Variants in RGS14 observed in about 807,000 individuals in gnomAD.
RGS14 encodes regulator of G protein signaling 14, also known as regulator of G-protein signaling 14.
A neutral mutation model predicts 63.8 loss-of-function variants in RGS14; 33 were observed. The observed-to-expected ratio is 0.52, with a 90% CI of 0.39 to 0.69. The LOEUF is 0.69. Among genes scored for constraint, RGS14 ranks in the 30% least tolerant of loss-of-function variants. The pLI, the probability that RGS14 is intolerant of heterozygous loss-of-function variation, is 0.00. For missense variants in RGS14, 739 were observed against 742.9 expected (o/e 0.99, Z 0.06); for synonymous variants, 296 against 320.9 (o/e 0.92, Z 0.83).
rs750673831 is a variant in RGS14, at chr5:177,371,855, G to A, written c.1499-18G>A. ...GCAGGTCTGCTGGGGGGACCCTCATGCTGTGGCTTGCCTCCAGGCCTGGTG... is the reference window on the plus strand; with the variant it reads ...GCAGGTCTGCTGGGGGGACCCTCATACTGTGGCTTGCCTCCAGGCCTGGTG... On this transcript the variant is annotated intron_variant, in intron 14 of 14. Transcript: ENST00000408923. This position sits in a 1 kb window ranked among gnomAD's most constrained non-coding sequence, Gnocchi z 6.1. The A allele has an allele frequency of 1.2e-6, 2 of 1,605,648 alleles. No individual in the cohort carries two copies. The highest frequency in any genetic ancestry group is 1.1e-5 in the South Asian group (1 of 90,462).
rs745528423 is a variant in RGS14 at position 177,372,095 on chromosome 5, G to C, written c.*20G>C. The stretch of plus-strand genomic sequence containing the variant: ...CTCTGACAGCTACCCAACAGTCCAG[G>C]ACAGCTGCATGGCACCCGGCGGGCC... On this transcript the variant is annotated 3_prime_UTR_variant, in exon 15 of 15. Transcript: ENST00000408923. 1.8e-5 allele frequency: 29 copies of C among 1,607,068 alleles called. No individual in the cohort carries two copies. Among genetic ancestry groups the C allele is most frequent in the Non-Finnish European group, 2.3e-5 (27 of 1,174,886 alleles).
intron 10 of RGS14, 30 bp from the exon 11 acceptor site, chr5:177,370,871 CTCCG>C: frequency 6.4e-7 from 1 of 1,568,740 alleles, no homozygotes; most frequent in Non-Finnish European, 8.6e-7. Context: ...GGGGCCGGCC[CTCCG>C]GCCCTCTGCT....
In RGS14 at chr5:177,372,217, G is replaced by A. The variant is rs1762291485; in HGVS notation, c.*142G>A. Reference sequence around the variant, plus strand: ...CAGGCCCGCAGGAAGAGCCGGTAGGGGTGGAAAGGGGACTCAGATGAGACA... The same window carrying A: ...CAGGCCCGCAGGAAGAGCCGGTAGGAGTGGAAAGGGGACTCAGATGAGACA... On this transcript the variant is annotated 3_prime_UTR_variant, in exon 15 of 15. Coordinates refer to ENST00000408923, the MANE Select transcript of RGS14 (RefSeq NM_006480.5). The A allele has an allele frequency of 1.3e-6, 1 of 782,906 alleles. No homozygotes were observed. Among genetic ancestry groups the A allele is most frequent in the Non-Finnish European group, 2.1e-6 (1 of 487,004 alleles). 48.5% of individuals were successfully genotyped at this position (782,906 alleles called of 1,614,324 possible). A position where few individuals can be genotyped will look rare whatever the true frequency, so the allele number is the denominator to read the frequency against.
At position 177,367,471 on chromosome 5, in the gene RGS14, C is replaced by G. The variant is rs572106520; in HGVS notation, c.541C>G (p.Arg181Gly). The G allele has an allele frequency of 6.2e-7, 1 of 1,612,708 alleles. No homozygotes were observed. The highest frequency in any genetic ancestry group is 1.3e-5 in the African/African-American group (1 of 75,026). Residue 181 changes from arginine to glycine, a missense_variant, in exon 6 of 15, where the codon CGC (arginine) becomes GGC (glycine). By Grantham distance (125) the Arg-to-Gly change is moderately radical. Coordinates refer to ENST00000408923, the MANE Select transcript of RGS14 (RefSeq NM_006480.5). ...GCGCTTCGTCAAGTCCCCGCTGTACCGCGAGTGCCTGCTAGCCGAAGCCGA... is the reference window on the plus strand; with the variant it reads ...GCGCTTCGTCAAGTCCCCGCTGTACGGCGAGTGCCTGCTAGCCGAAGCCGA... Reference protein sequence around the residue: ...YARFVKSPLYRECLLAEAEGR... With the variant: ...YARFVKSPLYGECLLAEAEGR...
At position 177,371,009 on chromosome 5, in the gene RGS14, C is replaced by T; in HGVS notation, c.1232C>T (p.Pro411Leu). 6.3e-7 allele frequency: 1 copy of T among 1,595,010 alleles called. No homozygotes were observed. Among genetic ancestry groups the T allele is most frequent in the Non-Finnish European group, 8.5e-7 (1 of 1,176,432 alleles). The change falls in exon 11 of 15, where the codon CCG (proline) becomes CTG (leucine). Residue 411 changes from proline (P) to leucine (L), a missense_variant. Pro to Leu is a moderately conservative substitution (Grantham distance 98). Transcript: ENST00000408923. The surrounding 1 kb of genome is among the most constrained non-coding windows in gnomAD (Gnocchi z 6.1). Reference sequence around the variant, plus strand: ...ATTCTGGAGAAGCACGGCTTGAGCCCGCTAGAGGTGGTGCTGCACCGGGTG... The same window carrying T: ...ATTCTGGAGAAGCACGGCTTGAGCCTGCTAGAGGTGGTGCTGCACCGGGTG... ...QPILEKHGLS[P>L]LEVVLHRPGE... is the part of the protein sequence containing the mutation.
In RGS14 at chr5:177,370,680, C is replaced by G. The variant is rs999332153; in HGVS notation, c.1127+16C>G. On this transcript the variant is annotated intron_variant, in intron 10 of 14. Coordinates refer to ENST00000408923, the MANE Select transcript of RGS14 (RefSeq NM_006480.5). ...TCACCTTCGAGTGAGTGTCCTGCCC[C>G]CAAGTCTGGGTCCCAGGTCCTGACG... The G allele has an allele frequency of 5.6e-6, 9 of 1,613,466 alleles. No homozygotes were observed. The highest frequency in any genetic ancestry group is 1.3e-5 in the African/African-American group (1 of 75,014).
rs548506544 is a variant in RGS14, at chr5:177,370,502, A to G, written c.1054-89A>G. On this transcript the variant is annotated intron_variant, in intron 9 of 14. Transcript: ENST00000408923. ...TCCTCTAGGAAGCCCAGTGGTGGCCATGGGAGGGCGTGAAGTTGTTCTCAG... is the reference window on the plus strand; with the variant it reads ...TCCTCTAGGAAGCCCAGTGGTGGCCGTGGGAGGGCGTGAAGTTGTTCTCAG... 4.4e-4 allele frequency: 507 copies of G among 1,161,400 alleles called. 1 individual carries two copies. In the African/African-American group the frequency reaches 7.0e-3, roughly 16 times the overall value. 71.9% of individuals were successfully genotyped at this position (1,161,400 alleles called of 1,614,324 possible).
chr5:177,362,635 G>A (rs1258447288), intron 1 of RGS14, among the ~76,000 whole-genome samples: 1 of 152,172 alleles, frequency 6.6e-6, no homozygotes, highest in Non-Finnish European at 1.5e-5. Flanking sequence ...AGGGGTGTGG[G>A]GAAAATAGAA....
At position 177,366,707 on chromosome 5, in the gene RGS14, G is replaced by A. The variant is rs1762101042; in HGVS notation, c.247-1G>A. On this transcript the variant is annotated splice_acceptor_variant, in intron 3 of 14. Coordinates refer to ENST00000408923, the MANE Select transcript of RGS14 (RefSeq NM_006480.5). LOFTEE classifies it high-confidence loss of function. ...CTGCCTCCCCCTCCTTCCCCTCCCA[G>A]GAGTTCCTGAAGAAGGAGTTCAGCG... is the stretch of plus-strand genomic sequence containing the variant. 6.2e-7 allele frequency: 1 copy of A among 1,613,922 alleles called. No individual in the cohort carries two copies. The highest frequency in any genetic ancestry group is 8.5e-7 in the Non-Finnish European group (1 of 1,179,932).
In RGS14 at chr5:177,367,731, C is replaced by T; in HGVS notation, c.645C>T (p.Pro215=). Residue 215 remains proline (P), a synonymous_variant, in exon 7 of 15, where the codon CCC becomes CCT. Coordinates refer to ENST00000408923, the MANE Select transcript of RGS14 (RefSeq NM_006480.5). The stretch of plus-strand genomic sequence containing the variant: ...ACCCACAGAAGCCGAAGCTGAAGCC[C>T]GGGAAGTCGCTGCCGCTGGGTGTGG... ...DATRKKPKLK[P]GKSLPLGVEE... 2.5e-6 allele frequency: 4 copies of T among 1,613,082 alleles called. No individual in the cohort carries two copies. The South Asian group carries it at 3.3e-5, about 13-fold the overall frequency.
rs914825066 is a variant in RGS14 at position 177,371,644 on chromosome 5, C to T, written c.1498+55C>T. The T allele has an allele frequency of 5.8e-6, 9 of 1,539,078 alleles. No homozygotes were observed. The highest frequency in any genetic ancestry group is 3.4e-5 in the Admixed American group (2 of 59,442). ...AGACTAGGGCAGTGGGGTTGGGGAC[C>T]ATTCAGGGTGGCATCAGAGAGCCTT... On this transcript the variant is annotated intron_variant, in intron 14 of 14. Transcript: ENST00000408923. This position sits in a 1 kb window ranked among gnomAD's most constrained non-coding sequence, Gnocchi z 6.1.
At position 177,364,096 on chromosome 5, in the gene RGS14, G is replaced by A. The variant is rs147625873; in HGVS notation, c.46-1867G>A. 4.7e-4 allele frequency among the ~76,000 whole-genome samples: 72 copies of A among 152,318 alleles called. No homozygotes were observed. Among genetic ancestry groups the A allele is most frequent in the African/African-American group, 1.6e-3 (65 of 41,556 alleles). ...TCCCACATATCTGCAGACCGGATCT[G>A]GCCCACAGATGGCCGCCCTGTGACC... On this transcript the variant is annotated intron_variant, in intron 1 of 14. Coordinates refer to ENST00000408923, the MANE Select transcript of RGS14 (RefSeq NM_006480.5). This position sits in a 1 kb window ranked among gnomAD's most constrained non-coding sequence, Gnocchi z 4.6.
chr5:177,362,665 G>A (rs1426483190), intron 1 of RGS14, among the ~76,000 whole-genome samples: 3 of 152,134 alleles, frequency 2.0e-5, no homozygotes, highest in Non-Finnish European at 4.4e-5. Context: ...GAAGTGTAGG[G>A]TGGAGGTGAG....
chr5:177,358,197 C>A lies in RGS14; in HGVS notation c.45+128C>A. On this transcript the variant is annotated intron_variant, in intron 1 of 14. Transcript: ENST00000408923. The surrounding 1 kb of genome is among the most constrained non-coding windows in gnomAD (Gnocchi z 4.8). ...GCCAGCAGGCGAGAGAAGTTGGGTA[C>A]AGACAGCAGCAGGTGGTAGGACCTG... is the stretch of plus-strand genomic sequence containing the variant. 1 of 709,334 alleles carries A rather than the reference C, an allele frequency of 1.4e-6. No individual in the cohort carries two copies. Among genetic ancestry groups the A allele is most frequent in the Non-Finnish European group, 2.0e-6 (1 of 500,068 alleles). The allele number at this position is 709,334 out of a possible 1,614,324, so 43.9% of individuals were successfully genotyped here.
intron 1 of RGS14, among the ~76,000 whole-genome samples, chr5:177,361,123 C>T (rs1317868855): frequency 6.6e-6 from 1 of 152,178 alleles, no homozygotes; most frequent in Non-Finnish European, 1.5e-5. Context: ...CAAGGCAAAG[C>T]CCATGCAGCT....
At chr5:177,362,197 C>A (rs773378153) in intron 1 of RGS14, among the ~76,000 whole-genome samples, 7 of 152,206 alleles carry the variant, frequency 4.6e-5, no homozygotes, top group Non-Finnish European at 7.3e-5. Flanking sequence ...ATTCCACCCC[C>A]ACTCCCACCC....
intron 3 of RGS14, 167 bp downstream of exon 3, chr5:177,366,522 C>A: frequency 1.3e-6 from 1 of 798,670 alleles, no homozygotes; most frequent in Non-Finnish European, 2.0e-6. Flanking sequence ...TTCTCCCTGT[C>A]CTTGTCTCTG....
At chr5:177,367,373 C>A (rs376516062) in intron 5 of RGS14, 41 bp from the exon 6 acceptor site, 4 of 1,554,272 alleles carry the variant, frequency 2.6e-6, no homozygotes, top group East Asian at 2.4e-5. Context: ...CCAGCGCCCC[C>A]ACCCCAGCCC....
In RGS14 at chr5:177,364,810, G is replaced by C. The variant is rs2127329330; in HGVS notation, c.46-1153G>C. On this transcript the variant is annotated intron_variant, in intron 1 of 14. Coordinates refer to ENST00000408923, the MANE Select transcript of RGS14 (RefSeq NM_006480.5). This position sits in a 1 kb window ranked among gnomAD's most constrained non-coding sequence, Gnocchi z 4.6. The stretch of plus-strand genomic sequence containing the variant: ...GATTGGGATTCCCAGAGAAACCAGA[G>C]TTGTGCACTGGGGGCAAGGATGGAG... 6.6e-6 allele frequency among the ~76,000 whole-genome samples: 1 copy of C among 152,328 alleles called. No homozygotes were observed. The highest frequency in any genetic ancestry group is 1.9e-4 in the East Asian group (1 of 5,190).
Sources: gnomAD v4.1 joint callset for allele counts (sites outside exome capture counted in the v4.1 genomes callset) on GRCh38, gnomAD v4.1.1 for gene constraint, Gnocchi (gnomAD v3.1) non-coding constraint, MANE v1.5 for transcripts, NCBI Gene and HGNC (gene_info 2026-07-23, HGNC 2026-07-21) for gene names.